Variants in STT3B observed in about 807,000 individuals in gnomAD.
STT3B encodes the protein STT3 oligosaccharyltransferase complex catalytic subunit B, also known as dolichyl-diphosphooligosaccharide--protein glycosyltransferase subunit STT3B.
Under a neutral mutation model 96.8 loss-of-function variants are expected in STT3B, and 29 were observed. That is an observed-to-expected ratio of 0.30 (90% CI 0.22 to 0.41). The LOEUF (loss-of-function observed/expected upper bound fraction) is 0.41. STT3B is among the 10% of genes least tolerant of loss of function. The probability of loss-of-function intolerance (pLI) is 1.00; values close to 1 mark genes in which losing one functional copy is unlikely to be tolerated. For synonymous variants in STT3B, 367 were observed against 360.0 expected (o/e 1.02, Z -0.22); for missense variants, 640 against 1,022.3 (o/e 0.63, Z 5.10).
At chr3:31,569,266 A>C (rs1272501455) in intron 1 of STT3B, among the ~76,000 whole-genome samples, 1 of 152,186 alleles carries the variant, frequency 6.6e-6, no homozygotes. Flanking sequence ...AGCTGAGTTT[A>C]CAGACCTAAG....
chr3:31,627,345 G>A (rs1394029385), intron 13 of STT3B, among the ~76,000 whole-genome samples: 2 of 152,198 alleles, frequency 1.3e-5, no homozygotes, highest in African/African-American at 2.4e-5. Context: ...AATGCCTGTT[G>A]ATCTGAGGGG....
In STT3B at chr3:31,576,167, A is replaced by G. The variant is rs61414978; in HGVS notation, c.315-229A>G. On this transcript the variant is annotated intron_variant, in intron 1 of 15. Transcript: ENST00000295770. The stretch of plus-strand genomic sequence containing the variant: ...ACCACCTGGACCCCAAGCAATGGCT[A>G]AATGTTATTTTGAACATTACTAGTT... Among the ~76,000 whole-genome samples the G allele has an allele frequency of 2.6e-3, 398 of 152,222 alleles. 2 individuals carry two copies. The highest frequency in any genetic ancestry group is 9.4e-3 in the African/African-American group (390 of 41,548).
intron 1 of STT3B, among the ~76,000 whole-genome samples, chr3:31,557,149 C>A (rs1697738795): frequency 6.6e-6 from 1 of 152,166 alleles, no homozygotes. Flanking sequence ...TATGTCCTTT[C>A]CCCAGTGTTC....
intron 3 of STT3B, among the ~76,000 whole-genome samples, chr3:31,585,867 A>G (rs1258653527): frequency 2.0e-5 from 3 of 152,068 alleles, no homozygotes; most frequent in Non-Finnish European, 2.9e-5. Context: ...ATGTACTACA[A>G]TTTCTTTTCC....
Position 31,626,154 on chromosome 3 carries a change from G to A in STT3B, c.2073+27G>A, listed in dbSNP as rs200369469. 47 of 1,587,568 alleles carry A rather than the reference G, an allele frequency of 3.0e-5. No homozygotes were observed. The Middle Eastern group carries it at 8.4e-4, about 28-fold the overall frequency. On this transcript the variant is annotated intron_variant, in intron 13 of 15. Transcript: ENST00000295770. ...TAAGAAACTAGATAATTCCAGGTAT[G>A]TGAAAGATAGCTCACTGTGTCCTCG... is the stretch of plus-strand genomic sequence containing the variant.
At chr3:31,583,279 A>G (rs1698452536) in intron 3 of STT3B, among the ~76,000 whole-genome samples, 1 of 151,990 alleles carries the variant, frequency 6.6e-6, no homozygotes, top group Non-Finnish European at 1.5e-5. Context: ...TGCTGTATAT[A>G]TTGGGTTCTT....
intron 9 of STT3B, chr3:31,620,388 T>G (rs1183389889): frequency 1.3e-5 from 2 of 152,286 alleles, no homozygotes; most frequent in Admixed American, 1.3e-4. Context: ...TAGTTTGTGT[T>G]TGAGAATTGA....
At chr3:31,612,341 C>A (rs1333219363) in intron 5 of STT3B, among the ~76,000 whole-genome samples, 2 of 152,162 alleles carry the variant, frequency 1.3e-5, no homozygotes, top group Non-Finnish European at 2.9e-5. Flanking sequence ...GGGTCCAGTT[C>A]TCTTAAAAGT....
intron 8 of STT3B, among the ~76,000 whole-genome samples, chr3:31,618,904 A>C (rs1699370106): frequency 6.6e-6 from 1 of 151,998 alleles, no homozygotes; most frequent in Non-Finnish European, 1.5e-5. Flanking sequence ...TAAATTATAC[A>C]GTTATATATA....
rs550632489 is a variant in STT3B at position 31,612,368 on chromosome 3, A to G, written c.878-2737A>G. ...CTTAAAAGTAAATGCTTATGTTTGG[A>G]TTGTTGTAGATACCACGTTTATCAG... is the stretch of plus-strand genomic sequence containing the variant. On this transcript the variant is annotated intron_variant, in intron 5 of 15. Transcript: ENST00000295770. Among the ~76,000 whole-genome samples the G allele has an allele frequency of 3.3e-5, 5 of 152,292 alleles. No homozygotes were observed. In the South Asian group the frequency reaches 1.0e-3, roughly 32 times the overall value.
At chr3:31,586,416 C>G (rs1559376041) in intron 3 of STT3B, among the ~76,000 whole-genome samples, 1 of 151,752 alleles carries the variant, frequency 6.6e-6, no homozygotes, top group African/African-American at 2.4e-5. Context: ...AATGTATCAG[C>G]TTTTTTTTCA....
chr3:31,626,176 C>T, intron 13 of STT3B, 49 bp downstream of exon 13: 2 of 1,485,542 alleles, frequency 1.3e-6, no homozygotes, highest in South Asian at 1.2e-5. Flanking sequence ...TCACTGTGTC[C>T]TCGTAATTCT....
intron 1 of STT3B, among the ~76,000 whole-genome samples, chr3:31,575,434 G>A (rs974672424): frequency 6.6e-6 from 1 of 151,794 alleles, no homozygotes; most frequent in Non-Finnish European, 1.5e-5. Flanking sequence ...TAGCTGTCAT[G>A]GTGATTGCTT....
chr3:31,599,310 G>C (rs1698870927), intron 4 of STT3B, among the ~76,000 whole-genome samples: 1 of 152,070 alleles, frequency 6.6e-6, no homozygotes, highest in Admixed American at 6.6e-5. Context: ...AAAGTGGTTA[G>C]AGCCTGGGGC....
At chr3:31,594,843 G>C (rs1159271069) in intron 3 of STT3B, among the ~76,000 whole-genome samples, 1 of 152,150 alleles carries the variant, frequency 6.6e-6, no homozygotes, top group Admixed American at 6.5e-5. Context: ...CAGATGAAGA[G>C]ATACGTAGGA....
At chr3:31,558,327 C>T (rs1490204467) in intron 1 of STT3B, among the ~76,000 whole-genome samples, 6 of 152,028 alleles carry the variant, frequency 3.9e-5, no homozygotes, top group African/African-American at 9.7e-5. Flanking sequence ...TCATATATGG[C>T]GTTTATTATT....
chr3:31,564,926 C>G (rs560364729), intron 1 of STT3B, among the ~76,000 whole-genome samples: 1 of 152,248 alleles, frequency 6.6e-6, no homozygotes, highest in Non-Finnish European at 1.5e-5. Context: ...ATAATTTATT[C>G]AAATCAAAAT....
At chr3:31,584,730 C>T (rs919182690) in intron 3 of STT3B, among the ~76,000 whole-genome samples, 25 of 152,016 alleles carry the variant, frequency 1.6e-4, no homozygotes, top group African/African-American at 3.6e-4. Flanking sequence ...ATTAGGTTTA[C>T]GGTGGAAATA....
intron 5 of STT3B, among the ~76,000 whole-genome samples, chr3:31,603,681 A>G (rs74719985): frequency 0.027 from 4,047 of 152,148 alleles, 181 homozygotes; most frequent in African/African-American, 0.093. Flanking sequence ...TCATAAGGAA[A>G]TTATTAAAGA....
Sources: gnomAD v4.1 joint callset for allele counts (sites outside exome capture counted in the v4.1 genomes callset) on GRCh38, gnomAD v4.1.1 for gene constraint, MANE v1.5 for transcripts, NCBI Gene and HGNC (gene_info 2026-07-23, HGNC 2026-07-21) for gene names.